Variants in KIF5C observed in about 807,000 individuals in gnomAD.
KIF5C encodes kinesin heavy chain isoform 5C.
KIF5C carries 18 observed loss-of-function variants against 125.2 expected under a neutral mutation model. That is an observed-to-expected ratio of 0.14 (90% confidence interval 0.10 to 0.21). The LOEUF is 0.21. Among genes scored for constraint, KIF5C ranks in the 10% least tolerant of loss-of-function variants. KIF5C has a pLI of 1.00. For missense variants in KIF5C, 780 were observed against 1,183.8 expected (o/e 0.66, Z 5.01); for synonymous variants, 405 against 434.0 (o/e 0.93, Z 0.83).
chr2:148,899,594 T>C (rs1311714490), intron 1 of KIF5C, among the ~76,000 whole-genome samples: 1 of 150,718 alleles, frequency 6.6e-6, no homozygotes, highest in African/African-American at 2.5e-5. Flanking sequence ...TCCCAGCCTC[T>C]TGGGAGGCTG....
In KIF5C at chr2:149,023,761, TC is replaced by T. The variant is rs1388459757; in HGVS notation, c.*692del. The T allele has an allele frequency of 1.3e-5, 2 of 152,240 alleles. No individual in the cohort carries two copies. Among genetic ancestry groups the T allele is most frequent in the Admixed American group, 1.3e-4 (2 of 15,272 alleles). The allele number at this position is 152,240 out of a possible 1,614,324, so 9.4% of individuals were successfully genotyped here. On this transcript the variant is annotated 3_prime_UTR_variant, in exon 26 of 26. Transcript: ENST00000435030. ...GTGTAAATGCAAAAAGTCATAAAAT[TC>T]ACCTCCGAGCTGCTTGCTTTTGAAC...
In KIF5C at chr2:148,998,450, G is replaced by C; in HGVS notation, c.2151G>C (p.Gln717His). The C allele has an allele frequency of 6.4e-7, 1 of 1,567,820 alleles. No individual in the cohort carries two copies. Among genetic ancestry groups the C allele is most frequent in the Non-Finnish European group, 8.6e-7 (1 of 1,156,246 alleles). Residue 717 changes from glutamine (Q) to histidine (H), a missense_variant, in exon 19 of 26, where the codon CAG becomes CAC. Around this residue, in one of 2 missense-constraint regions of KIF5C, gnomAD observed 573 missense variants for 742.6 expected, o/e 0.77. Transcript: ENST00000435030. The part of the protein sequence containing the change: ...MESHREAHQK[Q>H]LSRLRDEIEE... ...GCCACCGGGAAGCTCACCAGAAGCA[G>C]CTGTCCAGACTCCGAGACGAAATTG...
chr2:148,920,945 G>T (rs567514137), intron 1 of KIF5C, among the ~76,000 whole-genome samples: 1 of 152,304 alleles, frequency 6.6e-6, no homozygotes, highest in African/African-American at 2.4e-5. Context: ...CCTCTGCTAT[G>T]TGGGGAACAT....
intron 11 of KIF5C, among the ~76,000 whole-genome samples, chr2:148,967,355 T>G (rs535020684): frequency 6.6e-6 from 1 of 152,324 alleles, no homozygotes; most frequent in African/African-American, 2.4e-5. Flanking sequence ...AGGCTGGGGC[T>G]GCTTCAGGGA....
rs566536343 is a variant in KIF5C, at chr2:148,924,060, A to G, written c.217+1833A>G. ...CATAAATATGTATGATCATACATACATGCCTTATTCTCCCTTAAAAAGGAA... is the reference window on the plus strand; with the variant it reads ...CATAAATATGTATGATCATACATACGTGCCTTATTCTCCCTTAAAAAGGAA... On this transcript the variant is annotated intron_variant, in intron 2 of 25. Coordinates refer to ENST00000435030, the MANE Select transcript of KIF5C (RefSeq NM_004522.3). The surrounding 1 kb of genome is among the most constrained non-coding windows in gnomAD (Gnocchi z 4.0). Among the ~76,000 whole-genome samples, 6 of 152,370 alleles carry G rather than the reference A, an allele frequency of 3.9e-5. No homozygotes were observed. Among genetic ancestry groups the G allele is most frequent in the Admixed American group, 3.9e-4 (6 of 15,312 alleles).
Position 148,902,282 on chromosome 2 carries a change from A to G in KIF5C, c.127-19855A>G, listed in dbSNP as rs534245441. On this transcript the variant is annotated intron_variant, in intron 1 of 25. Coordinates refer to ENST00000435030, the MANE Select transcript of KIF5C (RefSeq NM_004522.3). ...CCTGGGTTCTCGCCCTGAATGGCTC[A>G]ACAGGGGGAAAGGCAGACAGCTTCT... is the stretch of plus-strand genomic sequence containing the variant. Among the ~76,000 whole-genome samples the G allele has an allele frequency of 2.5e-4, 38 of 151,968 alleles. No individual in the cohort carries two copies. The South Asian group carries it at 7.7e-3, about 31-fold the overall frequency.
intron 14 of KIF5C, 85 bp from the exon 15 acceptor site, chr2:148,983,535 A>G (rs751393780): frequency 7.7e-6 from 11 of 1,423,196 alleles, no homozygotes; most frequent in Non-Finnish European, 1.0e-5. Flanking sequence ...AATCCATTCT[A>G]CATGATGGTG....
At chr2:149,015,703 T>A (rs866768999) in intron 25 of KIF5C, among the ~76,000 whole-genome samples, 2 of 152,236 alleles carry the variant, frequency 1.3e-5, no homozygotes, top group South Asian at 4.1e-4. Context: ...GAGGAGATGA[T>A]CTTTTTCAAA....
intron 14 of KIF5C, 87 bp downstream of exon 14, chr2:148,981,648 G>A (rs1681240567): frequency 6.8e-7 from 1 of 1,466,504 alleles, no homozygotes; most frequent in Non-Finnish European, 9.0e-7. Context: ...CATGGTATAA[G>A]GAGGCAGTGG....
At chr2:148,917,870 T>C (rs1681624796) in intron 1 of KIF5C, among the ~76,000 whole-genome samples, 10 of 152,218 alleles carry the variant, frequency 6.6e-5, no homozygotes, top group Admixed American at 6.5e-4. Flanking sequence ...TTAGAGCTTG[T>C]TATTGGATTA....
At chr2:149,020,010 AAGTG>A (rs1558952572) in intron 25 of KIF5C, among the ~76,000 whole-genome samples, 3 of 152,190 alleles carry the variant, frequency 2.0e-5, no homozygotes, top group Admixed American at 6.5e-5. Flanking sequence ...CCCTGCCTCT[AAGTG>A]AGTGAGTGGC....
intron 20 of KIF5C, 45 bp from the exon 21 acceptor site, chr2:149,000,675 ATC>A: frequency 6.2e-7 from 1 of 1,605,884 alleles, no homozygotes; most frequent in African/African-American, 1.3e-5. Flanking sequence ...ATCTGCTGAA[ATC>A]TCTGAGTCCC....
chr2:148,970,869 A>G (rs1266476210), intron 11 of KIF5C, among the ~76,000 whole-genome samples: 1 of 152,214 alleles, frequency 6.6e-6, no homozygotes. Context: ...GAAACCAAAG[A>G]ACACAGGGAA....
intron 1 of KIF5C, among the ~76,000 whole-genome samples, chr2:148,896,112 A>G (rs192901780): frequency 5.3e-5 from 8 of 152,304 alleles, no homozygotes; most frequent in Admixed American, 4.6e-4. Flanking sequence ...AAGCCATTAT[A>G]TGCTGCAAGG....
At chr2:148,936,675 A>G (rs1215726002) in intron 3 of KIF5C, among the ~76,000 whole-genome samples, 2 of 152,246 alleles carry the variant, frequency 1.3e-5, no homozygotes, top group Non-Finnish European at 2.9e-5. Context: ...GATCTTAAAC[A>G]TGGATTTAGG....
At chr2:148,903,880 C>CT (rs932606556) in intron 1 of KIF5C, among the ~76,000 whole-genome samples, 33 of 152,030 alleles carry the variant, frequency 2.2e-4, no homozygotes, top group African/African-American at 7.7e-4. Flanking sequence ...TTTTTTTCCC[C>CT]TTTTTTCCCA....
intron 21 of KIF5C, among the ~76,000 whole-genome samples, chr2:149,004,848 G>T (rs1681959262): frequency 6.6e-6 from 1 of 152,136 alleles, no homozygotes; most frequent in Non-Finnish European, 1.5e-5. Flanking sequence ...AACTTGCCCA[G>T]GGCCACCCAG....
intron 15 of KIF5C, among the ~76,000 whole-genome samples, chr2:148,985,718 C>T (rs1199387054): frequency 1.3e-5 from 2 of 152,136 alleles, no homozygotes; most frequent in Admixed American, 6.5e-5. Flanking sequence ...ACACTCAGGT[C>T]GTGAGCTGGG....
intron 21 of KIF5C, among the ~76,000 whole-genome samples, chr2:149,002,590 ATCAC>A (rs2105189203): frequency 6.6e-6 from 1 of 152,038 alleles, no homozygotes; most frequent in South Asian, 2.1e-4. Flanking sequence ...CATTCACACA[ATCAC>A]TCTCGTGCAG....
Sources: allele counts gnomAD v4.1 joint callset (sites outside exome capture counted in the v4.1 genomes callset), GRCh38; gene constraint gnomAD v4.1.1; regional missense constraint gnomAD v4.1.1; non-coding constraint Gnocchi (gnomAD v3.1); transcripts MANE v1.5; gene names NCBI Gene and HGNC (gene_info 2026-07-23, HGNC 2026-07-21).